Variants in ZNF521 observed in about 807,000 individuals in gnomAD.
ZNF521 encodes LYST-interacting protein 3.
ZNF521 carries 14 observed loss-of-function variants against 105.5 expected under a neutral mutation model. That is an observed-to-expected ratio of 0.13 (90% CI 0.09 to 0.21). The LOEUF is 0.21. Ranked by LOEUF, ZNF521 falls within the 10% of genes least tolerant of loss-of-function variation. The probability of loss-of-function intolerance (pLI) is 1.00; values close to 1 mark genes in which losing one functional copy is unlikely to be tolerated. For missense variants in ZNF521, 1,233 were observed against 1,629.7 expected (o/e 0.76, Z 4.19); for synonymous variants, 635 against 606.0 (o/e 1.05, Z -0.70).
Position 25,342,992 on chromosome 18 carries a change from TA to T in ZNF521, c.40+7914del, listed in dbSNP as rs537233377. Among the ~76,000 whole-genome samples, 16 of 152,358 alleles carry T rather than the reference TA, an allele frequency of 1.1e-4. No homozygotes were observed. The East Asian group carries it at 3.1e-3, about 29-fold the overall frequency. On this transcript the variant is annotated intron_variant, in intron 2 of 7. Coordinates refer to ENST00000361524, the MANE Select transcript of ZNF521 (RefSeq NM_015461.3). The stretch of plus-strand genomic sequence containing the variant: ...CAATATAAAGTTTAAAGCACAGTGA[TA>T]TTTTTTAGATTCCAGGTCACAGAAA...
intron 5 of ZNF521, among the ~76,000 whole-genome samples, chr18:25,096,687 C>T (rs925230025): frequency 2.6e-5 from 4 of 152,146 alleles, no homozygotes; most frequent in African/African-American, 9.7e-5. Context: ...GTCTGATCAA[C>T]GCTACAGCCA....
At chr18:25,079,524 A>G (rs949600787) in intron 7 of ZNF521, among the ~76,000 whole-genome samples, 4 of 152,180 alleles carry the variant, frequency 2.6e-5, no homozygotes, top group Admixed American at 6.5e-5. Flanking sequence ...TTAAATGACA[A>G]TTCTGCTTTG....
At chr18:25,103,043 G>T (rs1332010546) in intron 5 of ZNF521, among the ~76,000 whole-genome samples, 1 of 152,052 alleles carries the variant, frequency 6.6e-6, no homozygotes, top group East Asian at 1.9e-4. Flanking sequence ...CTCCTTTTAG[G>T]GAAGGGAAGC....
At chr18:25,162,313 A>C (rs2035265440) in intron 5 of ZNF521, among the ~76,000 whole-genome samples, 1 of 152,224 alleles carries the variant, frequency 6.6e-6, no homozygotes, top group African/African-American at 2.4e-5. Context: ...GGTTCAATCA[A>C]ACTAAAGATA....
chr18:25,088,497 G>T (rs1421919518), intron 7 of ZNF521, among the ~76,000 whole-genome samples: 1 of 151,984 alleles, frequency 6.6e-6, no homozygotes, highest in Non-Finnish European at 1.5e-5. Flanking sequence ...GGGATTACAG[G>T]TGTGAGCCAC....
At chr18:25,345,109 C>T (rs762065319) in intron 2 of ZNF521, 4 of 152,250 alleles carry the variant, frequency 2.6e-5, no homozygotes, top group African/African-American at 7.2e-5. Context: ...ACCAGACTAA[C>T]GAGCCCTCAC....
intron 3 of ZNF521, among the ~76,000 whole-genome samples, chr18:25,309,262 T>C (rs1461894967): frequency 6.6e-6 from 1 of 152,190 alleles, no homozygotes; most frequent in African/African-American, 2.4e-5. Context: ...AAGCTCCGCT[T>C]AGGTTTCTGC....
At chr18:25,123,689 T>C (rs1408513095) in intron 5 of ZNF521, among the ~76,000 whole-genome samples, 1 of 152,188 alleles carries the variant, frequency 6.6e-6, no homozygotes, top group Non-Finnish European at 1.5e-5. Context: ...AAAGTGCGTA[T>C]TAACATTCAT....
chr18:25,119,021 A>T (rs535633134), intron 5 of ZNF521, among the ~76,000 whole-genome samples: 1 of 152,138 alleles, frequency 6.6e-6, no homozygotes, highest in Non-Finnish European at 1.5e-5. Context: ...ATAAAAAGAG[A>T]TATTTCATAA....
At chr18:25,144,615 T>C (rs187128949) in intron 5 of ZNF521, among the ~76,000 whole-genome samples, 6 of 152,118 alleles carry the variant, frequency 3.9e-5, no homozygotes, top group Admixed American at 1.3e-4. Context: ...TCCAGAGTGA[T>C]AGAACAAACC....
At chr18:25,093,984 C>T (rs2033802217) in intron 5 of ZNF521, among the ~76,000 whole-genome samples, 1 of 152,162 alleles carries the variant, frequency 6.6e-6, no homozygotes, top group African/African-American at 2.4e-5. Context: ...TCTCTATTTC[C>T]TTAATGCTAC....
At chr18:25,264,218 G>A (rs1359966044) in intron 3 of ZNF521, among the ~76,000 whole-genome samples, 1 of 152,040 alleles carries the variant, frequency 6.6e-6, no homozygotes, top group Non-Finnish European at 1.5e-5. Flanking sequence ...TTAAATGAGG[G>A]GATTAGGATA....
Position 25,224,580 on chromosome 18 carries a change from G to A in ZNF521, c.3338C>T (p.Thr1113Met), listed in dbSNP as rs1464070905. The A allele has an allele frequency of 6.2e-6, 10 of 1,613,890 alleles. No individual in the cohort carries two copies. Among genetic ancestry groups the A allele is most frequent in the South Asian group, 3.3e-5 (3 of 91,068 alleles). ...ASPGINVPPG[T>M]NRPGLGQNEN... ...ATTCTGGCCCAAGCCTGGTCTATTC[G>A]TGCCGGGAGGGACGTTAATGCCTGG... The change falls in exon 4 of 8, where the codon ACG becomes ATG. Residue 1113 changes from threonine (T) to methionine (M), a missense_variant. By Grantham distance (81) the Thr-to-Met change is moderately conservative (BLOSUM62 -1). This residue lies in a region of ZNF521 where 614 missense variants were observed against 751.5 expected (regional missense o/e 0.82). Coordinates refer to ENST00000361524, the MANE Select transcript of ZNF521 (RefSeq NM_015461.3).
intron 4 of ZNF521, among the ~76,000 whole-genome samples, chr18:25,212,509 C>CAAAAAAAAAAAAAA (rs59178760): frequency 4.6e-5 from 1 of 21,698 alleles, no homozygotes; most frequent in African/African-American, 2.0e-4. Flanking sequence ...GACTTAGTCT[C>CAAAAAAAAAAAAAA]AAAAAAAAAA....
At chr18:25,168,530 A>T (rs1436955239) in intron 5 of ZNF521, among the ~76,000 whole-genome samples, 1 of 152,188 alleles carries the variant, frequency 6.6e-6, no homozygotes, top group African/African-American at 2.4e-5. Context: ...ACTTCCCAAC[A>T]AAAAGCAGTC....
chr18:25,288,295 T>C (rs1208807573), intron 3 of ZNF521, among the ~76,000 whole-genome samples: 6 of 152,198 alleles, frequency 3.9e-5, no homozygotes, highest in Admixed American at 1.3e-4. Flanking sequence ...AGCCAATTGC[T>C]TAAGTTCTCA....
chr18:25,218,411 C>T (rs1027633161), intron 4 of ZNF521, among the ~76,000 whole-genome samples: 19 of 147,600 alleles, frequency 1.3e-4, no homozygotes, highest in African/African-American at 4.8e-4. Context: ...GTAATCCCAG[C>T]ACTTTGGGAG....
chr18:25,094,488 T>C (rs1312812518), intron 5 of ZNF521, among the ~76,000 whole-genome samples: 1 of 152,094 alleles, frequency 6.6e-6, no homozygotes, highest in Non-Finnish European at 1.5e-5. Context: ...ACATATTCTA[T>C]CTTTTATTTG....
chr18:25,117,090 C>CACAA (rs56408075), intron 5 of ZNF521, among the ~76,000 whole-genome samples: 69,367 of 142,898 alleles, frequency 0.49, 17,864 homozygotes, highest in Admixed American at 0.55. Flanking sequence ...CACATACACA[C>CACAA]ATCCTTAATT....
Sources: allele counts gnomAD v4.1 joint callset (sites outside exome capture counted in the v4.1 genomes callset), GRCh38; gene constraint gnomAD v4.1.1; regional missense constraint gnomAD v4.1.1; transcripts MANE v1.5; gene names NCBI Gene and HGNC (gene_info 2026-07-23, HGNC 2026-07-21).